Variants in SCN9A observed in about 807,000 individuals in gnomAD.
SCN9A encodes sodium voltage-gated channel alpha subunit 9, also known as sodium channel protein type 9 subunit alpha.
SCN9A carries 131 observed loss-of-function variants against 187.0 expected under a neutral mutation model. The ratio of observed to expected loss-of-function variants is 0.70; its 90% CI spans 0.61 to 0.81. SCN9A has a LOEUF of 0.81. Among genes scored for constraint, SCN9A ranks in the 30% least tolerant of loss-of-function variants. The pLI is 0.00. For missense variants in SCN9A, 2,252 were observed against 2,396.6 expected (o/e 0.94, Z 1.26); for synonymous variants, 809 against 808.6 (o/e 1.00, Z -0.01).
intron 1 of SCN9A, among the ~76,000 whole-genome samples, chr2:166,367,293 C>T (rs1052701549): frequency 4.6e-5 from 7 of 152,232 alleles, no homozygotes; most frequent in East Asian, 3.9e-4. Context: ...GACTGAGTCT[C>T]GCTCTGTTGC....
intron 1 of SCN9A, among the ~76,000 whole-genome samples, chr2:166,340,541 CCTTTCTTTCTTTCTTTCTTTCTTT>C (rs201511761): frequency 1.4e-3 from 95 of 67,846 alleles, no homozygotes; most frequent in Admixed American, 3.5e-3. Flanking sequence ...CTTTTCTTTC[CCTTTCTTTCTTTCTTTCTTTCTTT>C]CTTTCTTTCT....
rs565220537 is a variant in SCN9A, at chr2:166,221,144, A to G, written c.4398+5423T>C. ...ATGCACTGAAAACTACAAAATGTTC[A>G]TGAAGGAAATTAAAGAAGACACAAA... On this transcript the variant is annotated intron_variant, in intron 24 of 26. Coordinates refer to ENST00000642356, the MANE Select transcript of SCN9A (RefSeq NM_001365536.1). 5.3e-5 allele frequency among the ~76,000 whole-genome samples: 8 copies of G among 152,322 alleles called. No homozygotes were observed. The East Asian group carries it at 9.6e-4, about 18-fold the overall frequency.
chr2:166,336,261 A>T (rs1385407558), intron 1 of SCN9A, among the ~76,000 whole-genome samples: 1 of 152,160 alleles, frequency 6.6e-6, no homozygotes, highest in South Asian at 2.1e-4. Flanking sequence ...TTTAATCACC[A>T]ATTACTGTCG....
chr2:166,272,383 T>A lies in SCN9A; in HGVS notation c.3351+16A>T. ...AATTGTTAATATGAAACACAAAGTA[T>A]ATGAAGCATTCTTACCACTTTGCTG... On this transcript the variant is annotated intron_variant, in intron 17 of 26. Coordinates refer to ENST00000642356, the MANE Select transcript of SCN9A (RefSeq NM_001365536.1). The A allele has an allele frequency of 7.1e-7, 1 of 1,417,200 alleles. No individual in the cohort carries two copies. The highest frequency in any genetic ancestry group is 1.3e-5 in the South Asian group (1 of 74,212). The allele number at this position is 1,417,200 out of a possible 1,614,324, so 87.8% of individuals were successfully genotyped here.
chr2:166,299,494 C>A (rs758018597), intron 7 of SCN9A, among the ~76,000 whole-genome samples: 14 of 150,846 alleles, frequency 9.3e-5, no homozygotes, highest in South Asian at 6.2e-4. Context: ...AATATGTTTT[C>A]TTCTCTTGGC....
intron 1 of SCN9A, among the ~76,000 whole-genome samples, chr2:166,368,939 A>T (rs376885423): frequency 1.4e-4 from 21 of 151,622 alleles, no homozygotes; most frequent in African/African-American, 4.6e-4. Flanking sequence ...GTGAGCCAAG[A>T]TCGTACCATT....
At position 166,288,463 on chromosome 2, in the gene SCN9A, G is replaced by A. The variant is rs2106492496; in HGVS notation, c.1288C>T (p.Leu430Phe). The change falls in exon 10 of 27, where the codon CTT (leucine) becomes TTT (phenylalanine). Residue 430 changes from leucine to phenylalanine, a missense_variant. Physicochemically the swap from Leu to Phe is conservative, Grantham distance 22. Around this residue, in one of 7 missense-constraint regions of SCN9A, gnomAD observed 1,013 missense variants for 997.4 expected, o/e 1.02. Transcript: ENST00000642356. ...ELEFQQMLDRLKKEQEEAEAI... is the reference protein window; with the variant it reads ...ELEFQQMLDRFKKEQEEAEAI... ...TCAGCTTCTTCTTGCTCTTTTTTAA[G>A]ACGGTCTAACATCTGTTGAAATTCT... 1 of 1,610,586 alleles carries A rather than the reference G, an allele frequency of 6.2e-7. No homozygotes were observed. The highest frequency in any genetic ancestry group is 2.2e-5 in the East Asian group (1 of 44,846).
chr2:166,306,604 C>A lies in SCN9A; in HGVS notation c.378-5G>T. The A allele has an allele frequency of 6.4e-7, 1 of 1,554,814 alleles. No individual in the cohort carries two copies. Among genetic ancestry groups the A allele is most frequent in the East Asian group, 2.3e-5 (1 of 43,238 alleles). On this transcript the variant is annotated splice_region_variant and splice_polypyrimidine_tract_variant and intron_variant, in intron 3 of 26. Transcript: ENST00000642356. Reference sequence around the variant, plus strand: ...ATGATGAGCATGCTGAATAAGGTAGCTTAGAATCAAGGAACAAAAGAGACG... The same window carrying A: ...ATGATGAGCATGCTGAATAAGGTAGATTAGAATCAAGGAACAAAAGAGACG...
chr2:166,265,493 G>A (rs1696692932), intron 17 of SCN9A, among the ~76,000 whole-genome samples: 1 of 151,922 alleles, frequency 6.6e-6, no homozygotes, highest in Admixed American at 6.6e-5. Flanking sequence ...ATTGTGAACA[G>A]TGCAGCAATA....
Position 166,272,700 on chromosome 2 carries a change from T to G in SCN9A, c.3050A>C (p.Lys1017Thr). ...TCTTATCTCCCTGGAAATCTTTGGC[T>G]TTTTGGAAAATGCTTTTAGAATAAA... ...REFILKAFSK[K>T]PKISREIRQA... Residue 1017 changes from lysine (K) to threonine (T), a missense_variant, in exon 17 of 27, where the codon AAG (lysine) becomes ACG (threonine). Transcript: ENST00000642356. 6.3e-7 allele frequency: 1 copy of G among 1,597,382 alleles called. No homozygotes were observed. Among genetic ancestry groups the G allele is most frequent in the Non-Finnish European group, 8.5e-7 (1 of 1,172,322 alleles).
At chr2:166,254,672 A>G (rs755851238) in intron 17 of SCN9A, among the ~76,000 whole-genome samples, 2 of 151,352 alleles carry the variant, frequency 1.3e-5, no homozygotes, top group Non-Finnish European at 3.0e-5. Flanking sequence ...TTAGTTTTCC[A>G]TGTAATTTTG....
chr2:166,370,823 A>G (rs1188640487), intron 1 of SCN9A, among the ~76,000 whole-genome samples: 1 of 152,062 alleles, frequency 6.6e-6, no homozygotes. Context: ...AAGAAGGAAA[A>G]AAAAAAAGAA....
In SCN9A at chr2:166,198,988, AGT is replaced by A; in HGVS notation, c.5649_5650del (p.Leu1884LysfsTer17). ...AGACACATCCTCTTGTTTCCGTTTT[AGT>A]GTGGTTGTGATGGGTTCATAGGACA... On this transcript the variant is annotated frameshift_variant, in exon 27 of 27. Transcript: ENST00000642356. LOFTEE classifies it high-confidence loss of function. The A allele has an allele frequency of 6.2e-7, 1 of 1,614,010 alleles. No individual in the cohort carries two copies. The highest frequency in any genetic ancestry group is 8.5e-7 in the Non-Finnish European group (1 of 1,179,932).
intron 26 of SCN9A, among the ~76,000 whole-genome samples, chr2:166,202,710 AT>A (rs1693599529): frequency 6.6e-6 from 1 of 151,798 alleles, no homozygotes; most frequent in Non-Finnish European, 1.5e-5. Flanking sequence ...TAAAGTTATT[AT>A]TAGATAATTT....
chr2:166,321,092 T>C (rs1221234387), intron 1 of SCN9A, among the ~76,000 whole-genome samples: 1 of 152,218 alleles, frequency 6.6e-6, no homozygotes, highest in Non-Finnish European at 1.5e-5. Flanking sequence ...CCAGGTTTTA[T>C]TATTCAAAAG....
intron 1 of SCN9A, among the ~76,000 whole-genome samples, chr2:166,368,008 G>T (rs4384809): frequency 0.57 from 86,927 of 152,126 alleles, 26,361 homozygotes; most frequent in African/African-American, 0.77. Context: ...ATATTTGATA[G>T]AATGCTTGGT....
chr2:166,254,354 T>C, intron 17 of SCN9A, among the ~76,000 whole-genome samples: 1 of 151,676 alleles, frequency 6.6e-6, no homozygotes, highest in East Asian at 1.9e-4. Context: ...ATTAAATGTT[T>C]ATAAGCATGC....
chr2:166,372,530 A>G (rs572087546), intron 1 of SCN9A, among the ~76,000 whole-genome samples: 1 of 152,124 alleles, frequency 6.6e-6, no homozygotes, highest in East Asian at 1.9e-4. Context: ...ATGCAATCCA[A>G]TTTTTTCTTA....
At chr2:166,296,468 C>A (rs949831193) in intron 7 of SCN9A, among the ~76,000 whole-genome samples, 1 of 152,164 alleles carries the variant, frequency 6.6e-6, no homozygotes, top group African/African-American at 2.4e-5. Flanking sequence ...CACTCCTGAA[C>A]CTCGGGAAGG....
Sources: gnomAD v4.1 joint callset for allele counts (sites outside exome capture counted in the v4.1 genomes callset) on GRCh38, gnomAD v4.1.1 for gene constraint, gnomAD v4.1.1 regional missense constraint, MANE v1.5 for transcripts, NCBI Gene and HGNC (gene_info 2026-07-23, HGNC 2026-07-21) for gene names.